The following TTLL5 variants were observed in gnomAD, a reference collection of about 807,000 sequenced individuals.
TTLL5 encodes tubulin polyglutamylase TTLL5.
A neutral mutation model predicts 168.4 loss-of-function variants in TTLL5; 132 were observed. The observed-to-expected ratio is 0.78, with a 90% confidence interval of 0.68 to 0.91. The LOEUF (loss-of-function observed/expected upper bound fraction) is 0.91. Ranked by LOEUF, TTLL5 falls within the 40% of genes least tolerant of loss-of-function variation. The probability of loss-of-function intolerance (pLI) is 0.00; values close to 1 mark genes in which losing one functional copy is unlikely to be tolerated. For missense variants in TTLL5, 1,545 were observed against 1,581.5 expected, an observed-to-expected ratio of 0.98 and a Z score of 0.39; for synonymous variants, 546 against 558.6, an observed-to-expected ratio of 0.98 and a Z score of 0.32.
At chr14:75,936,341 C>T (rs961368514) in intron 31 of TTLL5, among the ~76,000 whole-genome samples, 29 of 152,312 alleles carry the variant, frequency 1.9e-4, no homozygotes, top group African/African-American at 6.0e-4. Context: ...AGGGGTGCAT[C>T]GGATCAGTTC....
intron 28 of TTLL5, among the ~76,000 whole-genome samples, chr14:75,845,475 A>C (rs1896496199): frequency 1.3e-5 from 2 of 152,152 alleles, no homozygotes; most frequent in African/African-American, 4.8e-5. Flanking sequence ...TATTGTTTGA[A>C]ATGCCCTACA....
intron 28 of TTLL5, among the ~76,000 whole-genome samples, chr14:75,846,690 T>C (rs1222472179): frequency 6.7e-6 from 1 of 149,902 alleles, no homozygotes; most frequent in African/African-American, 2.5e-5. Flanking sequence ...CAAGGGAGGC[T>C]GAGGCAGGAG....
At position 75,954,489 on chromosome 14, in the gene TTLL5, T is replaced by G. The variant is rs2035055825; in HGVS notation, c.*43T>G. 2 of 1,610,774 alleles carry G rather than the reference T, an allele frequency of 1.2e-6. No homozygotes were observed. The highest frequency in any genetic ancestry group is 4.5e-5 in the East Asian group (2 of 44,838). ...AAACAACCTGTTCACCACTCCTGGG[T>G]GCATGATTGAGGGTGAAGCATCCAC... is the stretch of plus-strand genomic sequence containing the variant. On this transcript the variant is annotated 3_prime_UTR_variant, in exon 32 of 32. Transcript: ENST00000298832.
At chr14:75,822,523 CTG>C (rs1361664787) in intron 28 of TTLL5, among the ~76,000 whole-genome samples, 1 of 152,164 alleles carries the variant, frequency 6.6e-6, no homozygotes, top group African/African-American at 2.4e-5. Flanking sequence ...GCCTTGTAAA[CTG>C]TAATAAAATG....
intron 28 of TTLL5, among the ~76,000 whole-genome samples, chr14:75,833,639 G>A (rs979160715): frequency 3.3e-5 from 5 of 152,158 alleles, no homozygotes; most frequent in South Asian, 2.1e-4. Context: ...AATGGCATAA[G>A]AAAAGCACTT....
At chr14:75,937,817 T>C (rs1486551378) in intron 31 of TTLL5, among the ~76,000 whole-genome samples, 2 of 152,240 alleles carry the variant, frequency 1.3e-5, no homozygotes, top group Non-Finnish European at 2.9e-5. Context: ...GCTGTGAACA[T>C]GGGTGTGCAA....
At chr14:75,788,152 A>T (rs1348012030) in intron 26 of TTLL5, among the ~76,000 whole-genome samples, 4 of 152,088 alleles carry the variant, frequency 2.6e-5, no homozygotes, top group Non-Finnish European at 5.9e-5. Context: ...TAAATAAGTA[A>T]ATAAAAACTT....
chr14:75,705,540 G>A (rs1209974620), intron 7 of TTLL5, among the ~76,000 whole-genome samples: 7 of 152,140 alleles, frequency 4.6e-5, no homozygotes, highest in Non-Finnish European at 7.4e-5. Context: ...TATTAGCTCC[G>A]TGACTTTGAG....
chr14:75,714,096 A>G (rs1457867558), intron 9 of TTLL5, among the ~76,000 whole-genome samples: 3 of 152,140 alleles, frequency 2.0e-5, no homozygotes, highest in Non-Finnish European at 4.4e-5. Flanking sequence ...TTTGAAGATT[A>G]CAGGCCAGTC....
In TTLL5 at chr14:75,883,943, TG is replaced by T. The variant is rs576402542; in HGVS notation, c.3740+1042del. Among the ~76,000 whole-genome samples the T allele has an allele frequency of 5.3e-5, 8 of 152,328 alleles. No individual in the cohort carries two copies. The East Asian group carries it at 1.5e-3, about 29-fold the overall frequency. On this transcript the variant is annotated intron_variant, in intron 30 of 31. Transcript: ENST00000298832. Reference sequence around the variant, plus strand: ...GTCAAATCCTTAGGTCTGCAGCCTCTGTAGCCAGACTGCCTGGATTCACATC... The same window carrying T: ...GTCAAATCCTTAGGTCTGCAGCCTCTTAGCCAGACTGCCTGGATTCACATC...
intron 17 of TTLL5, among the ~76,000 whole-genome samples, chr14:75,746,476 T>C (rs1224653611): frequency 6.6e-6 from 1 of 152,134 alleles, no homozygotes; most frequent in East Asian, 1.9e-4. Context: ...ATTATTGTCT[T>C]TGTTCTTCTA....
chr14:75,894,102 C>T (rs1353033053), intron 30 of TTLL5, among the ~76,000 whole-genome samples: 3 of 152,030 alleles, frequency 2.0e-5, no homozygotes, highest in African/African-American at 7.2e-5. Context: ...GATAAGGGTC[C>T]GTGTCGACTT....
Position 75,744,702 on chromosome 14 carries a change from T to TA in TTLL5, c.1282-392dup, listed in dbSNP as rs533560866. The stretch of plus-strand genomic sequence containing the variant: ...AATTGTTCATCTCCTGTGCTAAAAA[T>TA]ATACCCACTGAAATAAATACACATT... On this transcript the variant is annotated intron_variant, in intron 15 of 31. Transcript: ENST00000298832. 576 of 156,944 alleles carry TA rather than the reference T, an allele frequency of 3.7e-3. 4 individuals are homozygous for TA. Among genetic ancestry groups the TA allele is most frequent in the African/African-American group, 0.013 (560 of 41,652 alleles). The allele number at this position is 156,944 out of a possible 1,614,324, so 9.7% of individuals were successfully genotyped here.
rs187483948 is a variant in TTLL5, at chr14:75,849,264, G to A, written c.3327-14403G>A. On this transcript the variant is annotated intron_variant, in intron 28 of 31. Coordinates refer to ENST00000298832, the MANE Select transcript of TTLL5 (RefSeq NM_015072.5). ...GCTAATCAGAAGTCTCTCCTCAAGA[G>A]CTTGTAATTCTGTGTTTTAAATTAG... Among the ~76,000 whole-genome samples, 357 of 152,246 alleles carry A rather than the reference G, an allele frequency of 2.3e-3. 3 individuals carry two copies. The highest frequency in any genetic ancestry group is 7.6e-3 in the African/African-American group (317 of 41,532).
At chr14:75,946,312 A>G (rs2034769792) in intron 31 of TTLL5, among the ~76,000 whole-genome samples, 1 of 152,260 alleles carries the variant, frequency 6.6e-6, no homozygotes, top group Admixed American at 6.5e-5. Flanking sequence ...AAAGTTATTG[A>G]TGAATTTTAC....
At chr14:75,802,335 T>A (rs567475536) in intron 27 of TTLL5, among the ~76,000 whole-genome samples, 1 of 152,348 alleles carries the variant, frequency 6.6e-6, no homozygotes, top group Admixed American at 6.5e-5. Context: ...CTCTGAACAT[T>A]GCTCTCATTA....
intron 31 of TTLL5, among the ~76,000 whole-genome samples, chr14:75,939,797 G>C (rs1249122674): frequency 6.6e-6 from 1 of 152,148 alleles, no homozygotes; most frequent in Admixed American, 6.5e-5. Context: ...TGCTGCATCT[G>C]CTACAGGAGG....
Position 75,792,830 on chromosome 14 carries a change from T to G in TTLL5, c.2987-86T>G, listed in dbSNP as rs1205348941. On this transcript the variant is annotated intron_variant, in intron 26 of 31. Coordinates refer to ENST00000298832, the MANE Select transcript of TTLL5 (RefSeq NM_015072.5). ...GATCCTTAGGGTTCAGTAAAGTATCTGTTGACCTGAGATTTCTGTCATTAT... is the reference window on the plus strand; with the variant it reads ...GATCCTTAGGGTTCAGTAAAGTATCGGTTGACCTGAGATTTCTGTCATTAT... 7.4e-6 allele frequency: 9 copies of G among 1,222,160 alleles called. No homozygotes were observed. In the Admixed American group the frequency reaches 1.9e-4, roughly 25 times the overall value. 75.7% of individuals were successfully genotyped at this position (1,222,160 alleles called of 1,614,324 possible).
chr14:75,851,807 C>T (rs1896871171), intron 28 of TTLL5, among the ~76,000 whole-genome samples: 2 of 152,116 alleles, frequency 1.3e-5, no homozygotes, highest in Non-Finnish European at 2.9e-5. Context: ...CACATAGACA[C>T]AAAACTTGGT....
Sources: gnomAD v4.1 joint callset for allele counts (sites outside exome capture counted in the v4.1 genomes callset) on GRCh38, gnomAD v4.1.1 for gene constraint, MANE v1.5 for transcripts, NCBI Gene and HGNC (gene_info 2026-07-23, HGNC 2026-07-21) for gene names.